Variants in AMPH observed in about 807,000 individuals in gnomAD.
AMPH encodes amphiphysin.
In AMPH, 49 loss-of-function variants were observed where a neutral mutation model predicts 99.1. That is an observed-to-expected ratio of 0.49 (90% CI 0.39 to 0.63). The LOEUF is 0.63. Ranked by LOEUF, AMPH falls within the 20% of genes least tolerant of loss-of-function variation. The pLI is 0.00. For synonymous variants in AMPH, 314 were observed against 317.3 expected, an observed-to-expected ratio of 0.99 and a Z score of 0.11; for missense variants, 759 against 863.4, an observed-to-expected ratio of 0.88 and a Z score of 1.52.
At chr7:38,446,527 T>A (rs1193067896) in intron 11 of AMPH, among the ~76,000 whole-genome samples, 5 of 152,334 alleles carry the variant, frequency 3.3e-5, no homozygotes, top group Middle Eastern at 3.4e-3. Flanking sequence ...TGCTTTCTGA[T>A]ACTATATGAT....
At chr7:38,427,857 A>G (rs1204840249) in intron 14 of AMPH, 6 of 456,276 alleles carry the variant, frequency 1.3e-5, no homozygotes, top group African/African-American at 4.0e-5. Context: ...GTCAGCCTCT[A>G]TTTCTTGGTA....
At chr7:38,458,369 C>T (rs188416338) in intron 11 of AMPH, among the ~76,000 whole-genome samples, 2 of 152,166 alleles carry the variant, frequency 1.3e-5, no homozygotes, top group East Asian at 3.9e-4. Context: ...AAGGCCAGCA[C>T]TATCTTAATA....
At chr7:38,513,274 T>G (rs1378845086) in intron 2 of AMPH, among the ~76,000 whole-genome samples, 1 of 152,140 alleles carries the variant, frequency 6.6e-6, no homozygotes, top group Non-Finnish European at 1.5e-5. Flanking sequence ...CAACTATATC[T>G]AAATTAAACT....
chr7:38,435,504 A>G (rs1169005643), intron 12 of AMPH, among the ~76,000 whole-genome samples: 1 of 152,228 alleles, frequency 6.6e-6, no homozygotes, highest in Non-Finnish European at 1.5e-5. Context: ...CCATATGCAA[A>G]GTACTTATAT....
intron 1 of AMPH, among the ~76,000 whole-genome samples, chr7:38,622,979 G>A (rs1276393990): frequency 2.0e-5 from 3 of 152,052 alleles, no homozygotes; most frequent in East Asian, 1.9e-4. Context: ...GGATAAGAAC[G>A]GTATCCGAAT....
chr7:38,539,779 G>C (rs12538952), intron 1 of AMPH, among the ~76,000 whole-genome samples: 1 of 152,040 alleles, frequency 6.6e-6, no homozygotes, highest in Non-Finnish European at 1.5e-5. Flanking sequence ...GAAACTCTAG[G>C]CCCCACTGAG....
chr7:38,390,966 AG>A (rs1784471467), intron 19 of AMPH, among the ~76,000 whole-genome samples: 1 of 3,156 alleles, frequency 3.2e-4, no homozygotes, highest in Admixed American at 4.0e-3. Flanking sequence ...AAAGACAGAG[AG>A]AGAGAGAGAG....
intron 12 of AMPH, among the ~76,000 whole-genome samples, chr7:38,433,724 CAAAAAAAAAAA>C (rs570503359): frequency 3.8e-5 from 2 of 53,192 alleles, no homozygotes; most frequent in Admixed American, 3.0e-4. Context: ...GACTCCGTCT[CAAAAAAAAAAA>C]AAAAAAAAAA....
intron 1 of AMPH, among the ~76,000 whole-genome samples, chr7:38,629,322 A>G (rs1794373043): frequency 6.6e-6 from 1 of 152,112 alleles, no homozygotes; most frequent in Non-Finnish European, 1.5e-5. Flanking sequence ...TCAGCCTCTT[A>G]GTGTTTGAAC....
At chr7:38,435,346 T>C (rs1406536082) in intron 12 of AMPH, among the ~76,000 whole-genome samples, 1 of 152,178 alleles carries the variant, frequency 6.6e-6, no homozygotes, top group East Asian at 1.9e-4. Flanking sequence ...CCTAGCAGTT[T>C]ACTGTGATAT....
intron 2 of AMPH, among the ~76,000 whole-genome samples, chr7:38,525,258 G>GTA (rs141925117): frequency 0.11 from 12,039 of 109,916 alleles, 781 homozygotes; most frequent in East Asian, 0.19. Flanking sequence ...GTGTGTGTGT[G>GTA]TATATATATA....
chr7:38,526,869 T>A (rs1801218017), intron 2 of AMPH, among the ~76,000 whole-genome samples: 1 of 152,202 alleles, frequency 6.6e-6, no homozygotes, highest in African/African-American at 2.4e-5. Context: ...TTTTCTCCTA[T>A]TTTTTCCCAA....
At chr7:38,496,606 A>G (rs1206161209) in intron 3 of AMPH, among the ~76,000 whole-genome samples, 5 of 152,204 alleles carry the variant, frequency 3.3e-5, no homozygotes, top group African/African-American at 1.2e-4. Context: ...TCTGAATCCA[A>G]GCAAGGGGGG....
chr7:38,594,382 T>G (rs1350478943), intron 1 of AMPH, among the ~76,000 whole-genome samples: 1 of 152,202 alleles, frequency 6.6e-6, no homozygotes, highest in African/African-American at 2.4e-5. Flanking sequence ...CTCCTAACCC[T>G]AGATACCAGC....
intron 15 of AMPH, 49 bp from the exon 16 acceptor site, chr7:38,422,526 T>C: frequency 7.2e-7 from 1 of 1,396,090 alleles, no homozygotes; most frequent in Non-Finnish European, 1.0e-6. Context: ...GATATTTAAA[T>C]CAGCTACCAT....
At chr7:38,431,376 G>C (rs1584081272) in intron 13 of AMPH, among the ~76,000 whole-genome samples, 1 of 152,146 alleles carries the variant, frequency 6.6e-6, no homozygotes, top group African/African-American at 2.4e-5. Context: ...AAATTGCTCA[G>C]GCTGGCCGCA....
At chr7:38,599,296 T>C (rs566063549) in intron 1 of AMPH, among the ~76,000 whole-genome samples, 55 of 152,268 alleles carry the variant, frequency 3.6e-4, no homozygotes, top group African/African-American at 1.3e-3. Context: ...CTGCCACCTA[T>C]AGGACAGTAG....
chr7:38,540,054 G>A (rs1241318142), intron 1 of AMPH, among the ~76,000 whole-genome samples: 2 of 152,134 alleles, frequency 1.3e-5, no homozygotes, highest in Non-Finnish European at 2.9e-5. Flanking sequence ...AACCTGAACA[G>A]TGTGGCACTA....
intron 1 of AMPH, among the ~76,000 whole-genome samples, chr7:38,555,847 G>GA (rs1791344201): frequency 2.6e-5 from 4 of 151,978 alleles, no homozygotes; most frequent in East Asian, 1.9e-4. Flanking sequence ...TTAGATATTA[G>GA]AAAAAAAATT....
Sources: allele counts gnomAD v4.1 joint callset (sites outside exome capture counted in the v4.1 genomes callset), GRCh38; gene constraint gnomAD v4.1.1; transcripts MANE v1.5; gene names NCBI Gene and HGNC (gene_info 2026-07-23, HGNC 2026-07-21).